The following RAB3GAP2 variants were observed in gnomAD, a reference collection of about 807,000 sequenced individuals.
RAB3GAP2 encodes RAB3 GTPase activating non-catalytic protein subunit 2.
RAB3GAP2 carries 87 observed loss-of-function variants against 185.3 expected under a neutral mutation model. The ratio of observed to expected loss-of-function variants is 0.47; its 90% CI spans 0.39 to 0.56. The LOEUF is 0.56. Ranked by LOEUF, RAB3GAP2 falls within the 20% of genes least tolerant of loss-of-function variation. The probability of loss-of-function intolerance (pLI) is 0.00; values close to 1 mark genes in which losing one functional copy is unlikely to be tolerated. For missense variants in RAB3GAP2, 1,492 were observed against 1,638.2 expected, an observed-to-expected ratio of 0.91 and a Z score of 1.54; for synonymous variants, 554 against 576.1, an observed-to-expected ratio of 0.96 and a Z score of 0.55.
chr1:220,182,985 T>C, intron 19 of RAB3GAP2, 54 bp from the exon 20 acceptor site: 1 of 1,443,752 alleles, frequency 6.9e-7, no homozygotes, highest in South Asian at 1.2e-5. Flanking sequence ...ACCCACATTA[T>C]CTGAACTGAA....
At chr1:220,179,244 CAAAAAAAAAAAAAA>C (rs71169437) in intron 21 of RAB3GAP2, among the ~76,000 whole-genome samples, 2 of 56,834 alleles carry the variant, frequency 3.5e-5, no homozygotes, top group African/African-American at 1.5e-4. Flanking sequence ...GAGACTGTCT[CAAAAAAAAAAAAAA>C]AAAAAAAAAG....
At chr1:220,174,413 G>A (rs569938318) in intron 21 of RAB3GAP2, among the ~76,000 whole-genome samples, 1 of 152,060 alleles carries the variant, frequency 6.6e-6, no homozygotes, top group Non-Finnish European at 1.5e-5. Context: ...GTACATAGTA[G>A]GTAGGTGTAT....
intron 16 of RAB3GAP2, 127 bp from the exon 17 acceptor site, chr1:220,189,894 T>C: frequency 9.4e-7 from 1 of 1,068,336 alleles, no homozygotes; most frequent in Non-Finnish European, 1.4e-6. Context: ...CTCACATTAA[T>C]GTTTTCTTGT....
intron 21 of RAB3GAP2, among the ~76,000 whole-genome samples, chr1:220,175,833 A>AG (rs1347710311): frequency 1.3e-5 from 2 of 152,154 alleles, no homozygotes; most frequent in African/African-American, 2.4e-5. Flanking sequence ...CCCACCCTAC[A>AG]GGTAGTCTCT....
rs1191395916 is a variant in RAB3GAP2, at chr1:220,189,686, G to A, written c.1779+17C>T. 1 of 1,551,776 alleles carries A rather than the reference G, an allele frequency of 6.4e-7. No individual in the cohort carries two copies. The highest frequency in any genetic ancestry group is 2.3e-5 in the East Asian group (1 of 43,832). ...TATAGCTACTAGCAGGAAAGTTCGT[G>A]TATTATATACACTTACTTGTTTTTT... is the stretch of plus-strand genomic sequence containing the variant. On this transcript the variant is annotated intron_variant, in intron 17 of 34. Transcript: ENST00000358951.
At chr1:220,234,760 T>A (rs1169135467) in intron 1 of RAB3GAP2, among the ~76,000 whole-genome samples, 1 of 151,954 alleles carries the variant, frequency 6.6e-6, no homozygotes, top group Non-Finnish European at 1.5e-5. Context: ...GATGAGAAAG[T>A]AAGAGATGGG....
rs201619421 is a variant in RAB3GAP2, at chr1:220,245,277, G to A, written c.116-12414C>T. On this transcript the variant is annotated intron_variant, in intron 1 of 34. Coordinates refer to ENST00000358951, the MANE Select transcript of RAB3GAP2 (RefSeq NM_012414.4). ...GGTACCGGGTTCATCTCACTAGGGA[G>A]TGCCAGACAGTGGGCGCAGGCCAGT... Among the ~76,000 whole-genome samples the A allele has an allele frequency of 1.3e-4, 20 of 149,644 alleles. 1 individual carries two copies. Among genetic ancestry groups the A allele is most frequent in the South Asian group, 6.4e-4 (3 of 4,662 alleles).
intron 1 of RAB3GAP2, among the ~76,000 whole-genome samples, chr1:220,256,422 T>C (rs1159114353): frequency 6.6e-6 from 1 of 152,186 alleles, no homozygotes; most frequent in Non-Finnish European, 1.5e-5. Flanking sequence ...ACCTTAAATG[T>C]AAATGGGCTA....
At position 220,196,379 on chromosome 1, in the gene RAB3GAP2, G is replaced by A. The variant is rs1159358099; in HGVS notation, c.831C>T (p.Pro277=). ...HASVGIMTLS[P]FDQMKTASNI... ...TGGAGGCAGTCTTCATTTGATCAAAGGGGGACAGAGTCATAATACCTAATA... is the reference window on the plus strand; with the variant it reads ...TGGAGGCAGTCTTCATTTGATCAAAAGGGGACAGAGTCATAATACCTAATA... Residue 277 remains proline (P), a synonymous_variant, in exon 10 of 35, where the codon CCC becomes CCT. Transcript: ENST00000358951. 6.2e-7 allele frequency: 1 copy of A among 1,602,670 alleles called. No individual in the cohort carries two copies.
intron 21 of RAB3GAP2, among the ~76,000 whole-genome samples, chr1:220,176,982 G>C (rs1393942002): frequency 6.6e-6 from 1 of 152,104 alleles, no homozygotes; most frequent in Non-Finnish European, 1.5e-5. Context: ...CAACAAAACA[G>C]GCCCCCCAGC....
At chr1:220,175,277 A>T (rs982739070) in intron 21 of RAB3GAP2, among the ~76,000 whole-genome samples, 5 of 151,456 alleles carry the variant, frequency 3.3e-5, no homozygotes, top group African/African-American at 1.2e-4. Context: ...TTTAGGTTGG[A>T]GTGCAGTGGC....
chr1:220,149,787 A>G lies in RAB3GAP2; in HGVS notation c.*1464T>C, dbSNP rs968376595. Reference sequence around the variant, plus strand: ...ATTTCAAGTTTGATAGTTACTTAACAGTAATTACTAAATTTTAGCCAGTTA... The same window carrying G: ...ATTTCAAGTTTGATAGTTACTTAACGGTAATTACTAAATTTTAGCCAGTTA... On this transcript the variant is annotated 3_prime_UTR_variant, in exon 35 of 35. Coordinates refer to ENST00000358951, the MANE Select transcript of RAB3GAP2 (RefSeq NM_012414.4). 3.3e-5 allele frequency: 5 copies of G among 152,160 alleles called. No homozygotes were observed. The highest frequency in any genetic ancestry group is 1.2e-4 in the African/African-American group (5 of 41,406). The allele number at this position is 152,160 out of a possible 1,614,324, so 9.4% of individuals were successfully genotyped here.
At position 220,202,408 on chromosome 1, in the gene RAB3GAP2, T is replaced by C. The variant is rs1449073186; in HGVS notation, c.713-34A>G. On this transcript the variant is annotated intron_variant, in intron 8 of 34. Transcript: ENST00000358951. Reference sequence around the variant, plus strand: ...GATAAAATAAGACAATCCAAACTTATTATGGATAAAATGAAGTTTTACAAA... The same window carrying C: ...GATAAAATAAGACAATCCAAACTTACTATGGATAAAATGAAGTTTTACAAA... The C allele has an allele frequency of 5.0e-6, 8 of 1,590,098 alleles. No individual in the cohort carries two copies. The South Asian group carries it at 6.6e-5, about 13-fold the overall frequency.
intron 26 of RAB3GAP2, among the ~76,000 whole-genome samples, chr1:220,166,463 A>G (rs1269769641): frequency 6.6e-6 from 1 of 152,196 alleles, no homozygotes; most frequent in African/African-American, 2.4e-5. Flanking sequence ...ATATGTTTTT[A>G]TATCTTATTT....
At chr1:220,233,362 C>G (rs1241212339) in intron 1 of RAB3GAP2, among the ~76,000 whole-genome samples, 2 of 152,074 alleles carry the variant, frequency 1.3e-5, no homozygotes, top group Admixed American at 1.3e-4. Context: ...TATTCTGCAC[C>G]CTTTTCTGAT....
intron 29 of RAB3GAP2, 58 bp downstream of exon 29, chr1:220,159,328 T>C: frequency 1.5e-6 from 2 of 1,361,468 alleles, no homozygotes; most frequent in Admixed American, 1.7e-5. Context: ...GTTAATAAAG[T>C]ACTACATAAA....
intron 2 of RAB3GAP2, among the ~76,000 whole-genome samples, chr1:220,219,067 A>G (rs1659253930): frequency 6.6e-6 from 1 of 152,246 alleles, no homozygotes; most frequent in Non-Finnish European, 1.5e-5. Context: ...AGTAAATTTT[A>G]CCATATTATG....
At position 220,272,225 on chromosome 1, in the gene RAB3GAP2, G is replaced by T; in HGVS notation, c.113C>A (p.Pro38His). 1 of 1,603,824 alleles carries T rather than the reference G, an allele frequency of 6.2e-7. No homozygotes were observed. Among genetic ancestry groups the T allele is most frequent in the Non-Finnish European group, 8.5e-7 (1 of 1,176,052 alleles). ...GGCGAGGCCAGAGAGGCACTTACTGGGGTCCCTCCGCAAGGCGCCGCTGAG... is the reference window on the plus strand; with the variant it reads ...GGCGAGGCCAGAGAGGCACTTACTGTGGTCCCTCCGCAAGGCGCCGCTGAG... ...EILSGALRRD[P>H]SKSTDWEDDG... Residue 38 changes from proline (P) to histidine (H), a missense_variant and splice_region_variant, in exon 1 of 35, where the codon CCC (proline) becomes CAC (histidine). Transcript: ENST00000358951.
intron 12 of RAB3GAP2, among the ~76,000 whole-genome samples, chr1:220,194,355 G>C (rs983744156): frequency 1.3e-5 from 2 of 151,524 alleles, no homozygotes; most frequent in Admixed American, 1.3e-4. Flanking sequence ...CAGGACAGGA[G>C]TCTGTTTAAA....
Sources: allele counts gnomAD v4.1 joint callset (sites outside exome capture counted in the v4.1 genomes callset), GRCh38; gene constraint gnomAD v4.1.1; transcripts MANE v1.5; gene names NCBI Gene and HGNC (gene_info 2026-07-23, HGNC 2026-07-21).